PPP2R5C: variants seen among roughly 807,000 people sequenced by gnomAD.
PPP2R5C encodes the protein protein phosphatase 2 regulatory subunit B'gamma, also known as serine/threonine-protein phosphatase 2A 56 kDa regulatory subunit gamma isoform.
A neutral mutation model predicts 68.9 loss-of-function variants in PPP2R5C; 7 were observed. The ratio of observed to expected loss-of-function variants is 0.10; its 90% CI spans 0.06 to 0.19. The LOEUF is 0.19. PPP2R5C is among the 10% of genes least tolerant of loss of function. PPP2R5C has a pLI of 1.00. For missense variants in PPP2R5C, 348 were observed against 641.3 expected (o/e 0.54, Z 4.94); for synonymous variants, 210 against 222.2 (o/e 0.95, Z 0.49).
chr14:101,894,551 C>T (rs983763111), exon 8 of PPP2R5C: 12 of 1,613,622 alleles, frequency 7.4e-6, no homozygotes, highest in Non-Finnish European at 9.3e-6. Flanking sequence ...ACAGCACCCT[C>T]ACGGAACCAG....
intron 1 of PPP2R5C, among the ~76,000 whole-genome samples, chr14:101,817,098 C>T (rs1233688849): frequency 6.6e-6 from 1 of 150,720 alleles, no homozygotes; most frequent in Non-Finnish European, 1.5e-5. Context: ...GCTGGGACTA[C>T]AGGCACCCAC....
chr14:101,806,147 T>G (rs1157150501), upstream of PPP2R5C, among the ~76,000 whole-genome samples: 1 of 152,224 alleles, frequency 6.6e-6, no homozygotes, highest in African/African-American at 2.4e-5. Flanking sequence ...AACGTGCAGG[T>G]TTGTTGCATA....
intron 2 of PPP2R5C, among the ~76,000 whole-genome samples, chr14:101,778,375 A>G (rs551154138): frequency 3.9e-5 from 6 of 152,036 alleles, no homozygotes; most frequent in African/African-American, 1.4e-4. Context: ...CACTTTCTTG[A>G]TAGTATCCTT....
intron 2 of PPP2R5C, among the ~76,000 whole-genome samples, chr14:101,776,939 G>A (rs894214194): frequency 1.4e-5 from 2 of 147,198 alleles, no homozygotes; most frequent in Non-Finnish European, 3.0e-5. Context: ...GGAGTGCAAT[G>A]GCGTGATCTC....
intron 13 of PPP2R5C, 72 bp from the exon 16 acceptor site, chr14:101,925,069 T>G: frequency 1.9e-6 from 3 of 1,563,482 alleles, no homozygotes; most frequent in Non-Finnish European, 2.6e-6. Context: ...TCCTTTGACT[T>G]CCACCTCAGA....
intron 2 of PPP2R5C, chr14:101,766,320 A>G (rs1425644973): frequency 1.3e-5 from 2 of 152,224 alleles, no homozygotes; most frequent in Non-Finnish European, 2.9e-5. Context: ...GGGGGTTAGA[A>G]AATAAACATG....
chr14:101,887,183 C>T (rs2044580696), intron 5 of PPP2R5C, among the ~76,000 whole-genome samples: 1 of 152,222 alleles, frequency 6.6e-6, no homozygotes, highest in South Asian at 2.1e-4. Context: ...GTGAGTTAAA[C>T]AGTGCTGTCC....
intron 2 of PPP2R5C, among the ~76,000 whole-genome samples, chr14:101,862,066 C>T (rs2042776115): frequency 6.6e-6 from 1 of 152,180 alleles, no homozygotes; most frequent in Non-Finnish European, 1.5e-5. Context: ...GCTTGCACCA[C>T]CATACCCAGC....
At chr14:101,773,385 G>A (rs1006203400) in intron 2 of PPP2R5C, among the ~76,000 whole-genome samples, 1 of 152,114 alleles carries the variant, frequency 6.6e-6, no homozygotes, top group Non-Finnish European at 1.5e-5. Flanking sequence ...GGCTGCTTCA[G>A]GTGGTCAAGG....
chr14:101,861,847 C>G (rs927946624), intron 2 of PPP2R5C, among the ~76,000 whole-genome samples: 2 of 152,166 alleles, frequency 1.3e-5, no homozygotes, highest in Non-Finnish European at 2.9e-5. Context: ...ATGAGAAAGT[C>G]ACTTTAAGGA....
At chr14:101,774,780 T>G (rs970143307) in intron 2 of PPP2R5C, among the ~76,000 whole-genome samples, 1 of 152,238 alleles carries the variant, frequency 6.6e-6, no homozygotes, top group Non-Finnish European at 1.5e-5. Context: ...CCTGTTTTCC[T>G]TTATTTCTTC....
intron 1 of PPP2R5C, among the ~76,000 whole-genome samples, chr14:101,847,199 G>C (rs1396816782): frequency 2.0e-5 from 3 of 152,150 alleles, no homozygotes; most frequent in African/African-American, 7.2e-5. Flanking sequence ...ATGGTAAAAA[G>C]ACAAAGTTCT....
In PPP2R5C at chr14:101,877,540, C is replaced by A. The variant is rs975112056; in HGVS notation, c.295-4621C>A. 6.6e-6 allele frequency among the ~76,000 whole-genome samples: 1 copy of A among 152,086 alleles called. No homozygotes were observed. The highest frequency in any genetic ancestry group is 1.5e-5 in the Non-Finnish European group (1 of 68,014). Reference sequence around the variant, plus strand: ...TGATGTCTTCTCTGTTTCCTCAGACCGGATCCATGCATCCAGGTAGCATGG... The same window carrying A: ...TGATGTCTTCTCTGTTTCCTCAGACAGGATCCATGCATCCAGGTAGCATGG... On this transcript the variant is annotated intron_variant, in intron 2 of 13. Transcript: ENST00000334743. This position sits in a 1 kb window ranked among gnomAD's most constrained non-coding sequence, Gnocchi z 4.2.
chr14:101,812,787 G>A (rs1285508173), intron 1 of PPP2R5C, among the ~76,000 whole-genome samples: 1 of 152,206 alleles, frequency 6.6e-6, no homozygotes, highest in African/African-American at 2.4e-5. Context: ...CTATGGCCCA[G>A]CTTTCCCAGT....
At chr14:101,897,739 C>T (rs2045434649) in intron 8 of PPP2R5C, among the ~76,000 whole-genome samples, 1 of 151,842 alleles carries the variant, frequency 6.6e-6, no homozygotes, top group Non-Finnish European at 1.5e-5. Context: ...CCCAGTGCAT[C>T]CTTCAATCCA....
chr14:101,883,766 TCC>T (rs2044304694), intron 5 of PPP2R5C, among the ~76,000 whole-genome samples: 1 of 151,928 alleles, frequency 6.6e-6, no homozygotes, highest in South Asian at 2.1e-4. Flanking sequence ...TCCTCCCCTC[TCC>T]CCACAGCTCC....
At chr14:101,895,568 G>A (rs1174528010) in intron 8 of PPP2R5C, among the ~76,000 whole-genome samples, 1 of 152,046 alleles carries the variant, frequency 6.6e-6, no homozygotes, top group Non-Finnish European at 1.5e-5. Flanking sequence ...ATCATAAAAC[G>A]CTTGTCCTTT....
chr14:101,844,371 A>G (rs1048273628), intron 1 of PPP2R5C, among the ~76,000 whole-genome samples: 2 of 152,048 alleles, frequency 1.3e-5, no homozygotes, highest in Admixed American at 6.5e-5. Context: ...CAGTTCTGAT[A>G]TCGTGGTTTC....
chr14:101,920,538 A>T (rs550999467), intron 13 of PPP2R5C, among the ~76,000 whole-genome samples: 5 of 152,124 alleles, frequency 3.3e-5, no homozygotes, highest in Non-Finnish European at 4.4e-5. Context: ...GATCTCTATG[A>T]ATTATGTTCC....
Sources: allele counts gnomAD v4.1 joint callset (sites outside exome capture counted in the v4.1 genomes callset), GRCh38; gene constraint gnomAD v4.1.1; non-coding constraint Gnocchi (gnomAD v3.1); transcripts MANE v1.5; gene names NCBI Gene and HGNC (gene_info 2026-07-23, HGNC 2026-07-21).